Variants in LIN52 observed in about 807,000 individuals in gnomAD.
LIN52 encodes protein lin-52 homolog.
A neutral mutation model predicts 18.5 loss-of-function variants in LIN52; 4 were observed. That is an observed-to-expected ratio of 0.22 (90% CI 0.11 to 0.49). LIN52 has a LOEUF of 0.49. LIN52 is among the 20% of genes least tolerant of loss of function. LIN52 has a pLI of 0.97. For missense variants in LIN52, 102 were observed against 139.5 expected, an observed-to-expected ratio of 0.73 and a Z score of 1.35; for synonymous variants, 34 against 45.5, an observed-to-expected ratio of 0.75 and a Z score of 1.02.
chr14:74,151,165 G>A (rs1012584720), intron 5 of LIN52, among the ~76,000 whole-genome samples: 7 of 152,172 alleles, frequency 4.6e-5, no homozygotes, highest in South Asian at 2.1e-4. Context: ...TAGTTAAAAT[G>A]TGGGTGTACT....
chr14:74,162,473 C>CAT (rs1271007257), intron 5 of LIN52, among the ~76,000 whole-genome samples: 1 of 32,062 alleles, frequency 3.1e-5, no homozygotes, highest in Non-Finnish European at 7.1e-5. Context: ...GACTCCATCT[C>CAT]ACAAAAAAAA....
chr14:74,096,096 C>A, intron 3 of LIN52, 111 bp downstream of exon 3: 1 of 712,370 alleles, frequency 1.4e-6, no homozygotes, highest in South Asian at 2.2e-5. Context: ...GAGTCTCACT[C>A]TTCGCCCAGG....
At chr14:74,153,924 T>A (rs1045708573) in intron 5 of LIN52, among the ~76,000 whole-genome samples, 2 of 152,228 alleles carry the variant, frequency 1.3e-5, no homozygotes, top group African/African-American at 2.4e-5. Context: ...TGATTTAGTT[T>A]GTAAATTGTC....
At chr14:74,171,493 C>T (rs1442851982) in intron 5 of LIN52, among the ~76,000 whole-genome samples, 1 of 151,024 alleles carries the variant, frequency 6.6e-6, no homozygotes, top group Non-Finnish European at 1.5e-5. Flanking sequence ...TTTTAATCTA[C>T]AAAAAATTTT....
At chr14:74,095,829 A>ATTCT in intron 2 of LIN52, 119 bp from the exon 3 acceptor site, 1 of 630,826 alleles carries the variant, frequency 1.6e-6, no homozygotes, top group Non-Finnish European at 2.6e-6. Context: ...TTATTGGTTT[A>ATTCT]TTCTTTCTCT....
chr14:74,128,955 A>G (rs2061044942), intron 5 of LIN52, among the ~76,000 whole-genome samples: 1 of 152,174 alleles, frequency 6.6e-6, no homozygotes, highest in Non-Finnish European at 1.5e-5. Context: ...AAACAAAACA[A>G]AACAAAACAA....
At chr14:74,120,754 CAAA>C (rs386381782) in intron 5 of LIN52, among the ~76,000 whole-genome samples, 6 of 106,120 alleles carry the variant, frequency 5.7e-5, no homozygotes, top group Non-Finnish European at 5.9e-5. Context: ...GACTCCCTCT[CAAA>C]AAAAAAAAAA....
At position 74,196,692 on chromosome 14, in the gene LIN52, T is replaced by C. The variant is rs118073169; in HGVS notation, c.284-2230T>C. Among the ~76,000 whole-genome samples, 85 of 152,312 alleles carry C rather than the reference T, an allele frequency of 5.6e-4. No homozygotes were observed. The East Asian group carries it at 0.014, about 25-fold the overall frequency. On this transcript the variant is annotated intron_variant, in intron 5 of 5. Coordinates refer to ENST00000555028, the MANE Select transcript of LIN52 (RefSeq NM_001024674.3). ...TTTGCTAGCCTCCCTTTGTGCAGTT[T>C]GTTCATTCATTCATTCATTCATTCA... is the stretch of plus-strand genomic sequence containing the variant.
At chr14:74,085,070 C>T (rs573381874) in intron 1 of LIN52, 77 bp downstream of exon 1, 7 of 1,212,558 alleles carry the variant, frequency 5.8e-6, no homozygotes, top group East Asian at 2.8e-5. Context: ...GTCTCTGCCC[C>T]TCGAACATAC....
intron 5 of LIN52, among the ~76,000 whole-genome samples, chr14:74,151,319 G>A (rs1181075046): frequency 6.6e-6 from 1 of 152,134 alleles, no homozygotes; most frequent in East Asian, 1.9e-4. Context: ...CAGAGTAAGA[G>A]GAAGTTTGTT....
chr14:74,181,608 A>G (rs866243702), intron 5 of LIN52, among the ~76,000 whole-genome samples: 6 of 151,798 alleles, frequency 4.0e-5, no homozygotes, highest in Middle Eastern at 6.8e-3. Context: ...CACATTTACT[A>G]TATGTTAACC....
intron 5 of LIN52, among the ~76,000 whole-genome samples, chr14:74,175,752 C>A (rs28813420): frequency 0.026 from 3,033 of 116,038 alleles, 60 homozygotes; most frequent in East Asian, 0.067. Flanking sequence ...ACACACACAC[C>A]CCCATTATAC....
At chr14:74,119,234 T>C (rs1434193816) in intron 5 of LIN52, among the ~76,000 whole-genome samples, 1 of 149,030 alleles carries the variant, frequency 6.7e-6, no homozygotes. Flanking sequence ...CCATCTTGGC[T>C]CACTGCAAGC....
At chr14:74,183,199 G>A (rs889586422) in intron 5 of LIN52, among the ~76,000 whole-genome samples, 12 of 151,368 alleles carry the variant, frequency 7.9e-5, no homozygotes, top group Non-Finnish European at 4.4e-5. Flanking sequence ...CCGGGTTCAC[G>A]CTATTCTCCT....
intron 5 of LIN52, among the ~76,000 whole-genome samples, chr14:74,131,151 A>G (rs1331912919): frequency 2.0e-5 from 3 of 152,064 alleles, no homozygotes; most frequent in Non-Finnish European, 4.4e-5. Flanking sequence ...CTATCGTGCA[A>G]CAAATAACCA....
chr14:74,130,278 G>GTGTTTTTTTTTTT (rs1566856480), intron 5 of LIN52, among the ~76,000 whole-genome samples: 2 of 64,838 alleles, frequency 3.1e-5, no homozygotes, highest in Admixed American at 2.2e-4. Context: ...GCATTTTTTG[G>GTGTTTTTTTTTTT]TTTTTTTTTT....
intron 5 of LIN52, among the ~76,000 whole-genome samples, chr14:74,169,096 T>A (rs889871086): frequency 6.6e-6 from 1 of 152,158 alleles, no homozygotes; most frequent in African/African-American, 2.4e-5. Context: ...ATGTTAAAAT[T>A]TGGAAACTCT....
At chr14:74,160,185 G>A (rs1401887185) in intron 5 of LIN52, among the ~76,000 whole-genome samples, 2 of 152,174 alleles carry the variant, frequency 1.3e-5, no homozygotes, top group African/African-American at 4.8e-5. Context: ...GTTTGGACAT[G>A]GAGACAGACA....
At chr14:74,125,744 T>A (rs2061025724) in intron 5 of LIN52, among the ~76,000 whole-genome samples, 1 of 151,832 alleles carries the variant, frequency 6.6e-6, no homozygotes, top group Non-Finnish European at 1.5e-5. Flanking sequence ...TGTAGGGACA[T>A]GGATGAAGCT....
Sources: allele counts gnomAD v4.1 joint callset (sites outside exome capture counted in the v4.1 genomes callset), GRCh38; gene constraint gnomAD v4.1.1; transcripts MANE v1.5; gene names NCBI Gene and HGNC (gene_info 2026-07-23, HGNC 2026-07-21).